Variants in KPNB1 observed in about 807,000 individuals in gnomAD.
The protein encoded by KPNB1 is karyopherin subunit beta 1.
Under a neutral mutation model 113.0 loss-of-function variants are expected in KPNB1, and 7 were observed. The observed-to-expected ratio is 0.06, with a 90% CI of 0.04 to 0.12. The LOEUF is 0.12. Among genes scored for constraint, KPNB1 ranks in the 10% least tolerant of loss-of-function variants. KPNB1 has a pLI of 1.00. For synonymous variants in KPNB1, 363 were observed against 378.6 expected (o/e 0.96, Z 0.48); for missense variants, 400 against 1,054.8 (o/e 0.38, Z 8.60).
intron 10 of KPNB1, 102 bp from the exon 11 acceptor site, chr17:47,669,576 T>C: frequency 1.2e-6 from 1 of 814,694 alleles, no homozygotes; most frequent in Non-Finnish European, 2.0e-6. Context: ...TCTTGGTGAC[T>C]TTTTTGAGTT....
intron 5 of KPNB1, among the ~76,000 whole-genome samples, chr17:47,660,754 A>C (rs1301738823): frequency 2.0e-5 from 3 of 152,182 alleles, no homozygotes; most frequent in Admixed American, 2.0e-4. Context: ...AGATGTTTTG[A>C]ATTCTCTTAT....
At chr17:47,660,943 CTT>C in intron 5 of KPNB1, among the ~76,000 whole-genome samples, 174 bp from the exon 6 acceptor site, 1 of 152,294 alleles carries the variant, frequency 6.6e-6, no homozygotes, top group South Asian at 2.1e-4. Context: ...AAGGTAAACT[CTT>C]TATAGCCTTT....
At position 47,652,736 on chromosome 17, in the gene KPNB1, G is replaced by A; in HGVS notation, c.142G>A (p.Gly48Arg). ...ACTGTCCAGAGTGCTGGCAAATCCA[G>A]GAAACAGTCAGGTTGCCAGAGTTGC... ...VELSRVLANP[G>R]NSQVARVAAG... Residue 48 changes from glycine to arginine, a missense_variant, in exon 3 of 22, where the codon GGA (glycine) becomes AGA (arginine). Transcript: ENST00000290158. 6.2e-7 allele frequency: 1 copy of A among 1,612,106 alleles called. No homozygotes were observed. The highest frequency in any genetic ancestry group is 1.1e-5 in the South Asian group (1 of 90,654).
chr17:47,666,603 T>C (rs2030293939), intron 9 of KPNB1, among the ~76,000 whole-genome samples: 1 of 145,320 alleles, frequency 6.9e-6, no homozygotes, highest in Non-Finnish European at 1.5e-5. Flanking sequence ...TATATAATTA[T>C]ATATATTTTA....
intron 4 of KPNB1, among the ~76,000 whole-genome samples, chr17:47,657,426 T>C (rs1173246468): frequency 8.5e-5 from 13 of 152,214 alleles, no homozygotes; most frequent in Admixed American, 8.5e-4. Flanking sequence ...CGGAAAGTTT[T>C]GCCAACATTT....
chr17:47,680,547 A>G lies in KPNB1; in HGVS notation c.2508A>G (p.Leu836=). The G allele has an allele frequency of 6.2e-7, 1 of 1,614,206 alleles. No individual in the cohort carries two copies. Among genetic ancestry groups the G allele is most frequent in the Non-Finnish European group, 8.5e-7 (1 of 1,180,034 alleles). ...CTAFGKDVLK[L]VEARPMIHEL... ...CATTTGGGAAGGATGTACTGAAATTAGTAGAAGCTAGGCCAATGATCCATG... is the reference window on the plus strand; with the variant it reads ...CATTTGGGAAGGATGTACTGAAATTGGTAGAAGCTAGGCCAATGATCCATG... Residue 836 remains leucine, a synonymous_variant, in exon 21 of 22, where the codon TTA becomes TTG. Coordinates refer to ENST00000290158, the MANE Select transcript of KPNB1 (RefSeq NM_002265.6).
chr17:47,678,472 G>T, intron 19 of KPNB1, 59 bp downstream of exon 19: 1 of 1,191,912 alleles, frequency 8.4e-7, no homozygotes, highest in Non-Finnish European at 1.3e-6. Context: ...AGCCAAGTGG[G>T]CTATGTCTGT....
intron 18 of KPNB1, 43 bp downstream of exon 18, chr17:47,678,232 A>C (rs749014205): frequency 1.2e-6 from 2 of 1,613,188 alleles, no homozygotes; most frequent in Non-Finnish European, 1.7e-6. Context: ...GTCTAGCTCT[A>C]ATTGGAGGGA....
chr17:47,665,140 A>G lies in KPNB1; in HGVS notation c.981A>G (p.Thr327=), dbSNP rs1290206531. The part of the protein sequence containing the change: ...GALQYLVPIL[T]QTLTKQDEND... The stretch of plus-strand genomic sequence containing the variant: ...TACAGTATCTGGTTCCAATCCTCAC[A>G]CAGACACTAACTAAACAGGTGAGTT... Residue 327 remains threonine (T), a synonymous_variant, in exon 9 of 22, where the codon ACA becomes ACG. Transcript: ENST00000290158. The G allele has an allele frequency of 1.9e-6, 3 of 1,613,342 alleles. No homozygotes were observed. The highest frequency in any genetic ancestry group is 2.2e-5 in the South Asian group (2 of 91,070).
chr17:47,664,328 G>GAT, intron 8 of KPNB1, 59 bp downstream of exon 8: 1 of 1,095,410 alleles, frequency 9.1e-7, no homozygotes, highest in Non-Finnish European at 1.4e-6. Flanking sequence ...ATTTGTGGAT[G>GAT]ATGTTCCCCT....
intron 12 of KPNB1, chr17:47,671,679 C>T (rs574632571): frequency 6.6e-6 from 1 of 152,192 alleles, no homozygotes; most frequent in East Asian, 1.9e-4. Flanking sequence ...AGGTGCATGC[C>T]ACCATGCCTG....
At chr17:47,650,344 GCC>G (rs1915499937) in intron 1 of KPNB1, 40 bp from the exon 2 acceptor site, 1 of 1,610,740 alleles carries the variant, frequency 6.2e-7, no homozygotes, top group African/African-American at 1.3e-5. Context: ...GGGAGGCCCG[GCC>G]CCTCTGACCC....
At position 47,649,922 on chromosome 17, in the gene KPNB1, T is replaced by C; in HGVS notation, c.-323T>C. On this transcript the variant is annotated 5_prime_UTR_variant, in exon 1 of 22. Transcript: ENST00000290158. ...CCGCCTTCCTCCCTCCCTCGCTCCC[T>C]CCCTGCGCGCCGCCTCTCACTCACA... 1 of 1,270,374 alleles carries C rather than the reference T, an allele frequency of 7.9e-7. No homozygotes were observed. Among genetic ancestry groups the C allele is most frequent in the Admixed American group, 4.2e-5 (1 of 23,732 alleles). The allele number at this position is 1,270,374 out of a possible 1,614,324, so 78.7% of individuals were successfully genotyped here.
intron 19 of KPNB1, among the ~76,000 whole-genome samples, chr17:47,679,691 CTCTTTTTTTTT>C (rs1034011637): frequency 2.6e-5 from 4 of 151,786 alleles, no homozygotes; most frequent in Admixed American, 6.6e-5. Context: ...GACCTTCTCT[CTCTTTTTTTTT>C]TCTTTTTTTT....
At chr17:47,653,367 A>T (rs1016474683) in intron 3 of KPNB1, among the ~76,000 whole-genome samples, 5 of 134,842 alleles carry the variant, frequency 3.7e-5, no homozygotes, top group African/African-American at 1.4e-4. Context: ...TCCGCCTCCC[A>T]AGTAGCTGGG....
At chr17:47,671,922 G>A (rs2052628488) in intron 12 of KPNB1, 1 of 152,064 alleles carries the variant, frequency 6.6e-6, no homozygotes, top group Non-Finnish European at 1.5e-5. Flanking sequence ...ATTATAAGTT[G>A]GAGACAACCT....
chr17:47,661,019 T>C, intron 5 of KPNB1, 100 bp from the exon 6 acceptor site: 1 of 875,186 alleles, frequency 1.1e-6, no homozygotes, highest in Non-Finnish European at 1.9e-6. Context: ...TGTGGGGCCC[T>C]GAGGGGGAGT....
At chr17:47,658,877 T>G (rs1234768159) in intron 5 of KPNB1, among the ~76,000 whole-genome samples, 1 of 152,190 alleles carries the variant, frequency 6.6e-6, no homozygotes, top group Non-Finnish European at 1.5e-5. Context: ...GTTTCTAAGC[T>G]TAGGTTTTTC....
chr17:47,675,361 G>GGTTTTTTTTTTT lies in KPNB1; in HGVS notation c.1912+579_1912+580insGTTTTTTTTTTT. ...TGCAACGGAGATTGGCAGAGGTGTT[G>GGTTTTTTTTTTT]TTTTTTTTTTGTTTTTTTTTTTTGT... On this transcript the variant is annotated intron_variant, in intron 15 of 21. Transcript: ENST00000290158. Among the ~76,000 whole-genome samples the GGTTTTTTTTTTT allele has an allele frequency of 2.3e-5, 2 of 88,692 alleles. 1 individual carries two copies. Among genetic ancestry groups the GGTTTTTTTTTTT allele is most frequent in the South Asian group, 7.4e-4 (2 of 2,718 alleles). 58.2% of individuals were successfully genotyped at this position (88,692 alleles called of 152,430 possible).
Sources: gnomAD v4.1 joint callset for allele counts (sites outside exome capture counted in the v4.1 genomes callset) on GRCh38, gnomAD v4.1.1 for gene constraint, MANE v1.5 for transcripts, NCBI Gene and HGNC (gene_info 2026-07-23, HGNC 2026-07-21) for gene names.